The following FEZ1 variants were observed in gnomAD, a reference collection of about 807,000 sequenced individuals.
FEZ1 encodes fasciculation and elongation protein zeta 1.
FEZ1 carries 20 observed loss-of-function variants against 49.3 expected under a neutral mutation model. The observed-to-expected ratio is 0.41, with a 90% CI of 0.29 to 0.59. The LOEUF is 0.59. Among genes scored for constraint, FEZ1 ranks in the 20% least tolerant of loss-of-function variants. The pLI, the probability that FEZ1 is intolerant of heterozygous loss-of-function variation, is 0.36. For missense variants in FEZ1, 413 were observed against 476.0 expected, an observed-to-expected ratio of 0.87 and a Z score of 1.23; for synonymous variants, 170 against 180.9, an observed-to-expected ratio of 0.94 and a Z score of 0.48.
intron 9 of FEZ1, among the ~76,000 whole-genome samples, chr11:125,447,109 C>T (rs1215175790): frequency 6.6e-6 from 1 of 152,100 alleles, no homozygotes; most frequent in African/African-American, 2.4e-5. Context: ...ATTAACATCA[C>T]AAAAGGAAAG....
intron 3 of FEZ1, among the ~76,000 whole-genome samples, chr11:125,471,766 A>C (rs1296542004): frequency 6.6e-6 from 1 of 152,166 alleles, no homozygotes; most frequent in Non-Finnish European, 1.5e-5. Context: ...AACCAAGTTA[A>C]CCTGGTTGAC....
chr11:125,457,383 T>C (rs1223001028), intron 5 of FEZ1, among the ~76,000 whole-genome samples: 2 of 109,328 alleles, frequency 1.8e-5, no homozygotes, highest in African/African-American at 3.7e-5. Context: ...CTGGCCAACA[T>C]GGTGAAACTG....
In FEZ1 at chr11:125,445,302, C is replaced by A. The variant is rs1956889028; in HGVS notation, c.*793G>T. Reference sequence around the variant, plus strand: ...AGTCCCCTACGTTGGGAAAGCTCAGCAGAGCTGACTTCCCGCAGGCCCTGA... The same window carrying A: ...AGTCCCCTACGTTGGGAAAGCTCAGAAGAGCTGACTTCCCGCAGGCCCTGA... On this transcript the variant is annotated 3_prime_UTR_variant, in exon 10 of 10. Coordinates refer to ENST00000278919, the MANE Select transcript of FEZ1 (RefSeq NM_005103.5). This position sits in a 1 kb window ranked among gnomAD's most constrained non-coding sequence, Gnocchi z 4.4. Among the ~76,000 whole-genome samples, 1 of 152,218 alleles carries A rather than the reference C, an allele frequency of 6.6e-6. No individual in the cohort carries two copies.
chr11:125,495,444 C>CG lies in FEZ1; in HGVS notation c.-46+676dup. On this transcript the variant is annotated intron_variant, in intron 1 of 9. Transcript: ENST00000278919. This position sits in a 1 kb window ranked among gnomAD's most constrained non-coding sequence, Gnocchi z 4.2. ...ATTCCAGAGCCCGGGGCCCACCCGA[C>CG]GGCAGCGCGCCCCGCCACCGCGCAG... 2.1e-6 allele frequency: 1 copy of CG among 470,350 alleles called. No individual in the cohort carries two copies. Among genetic ancestry groups the CG allele is most frequent in the Non-Finnish European group, 4.4e-6 (1 of 226,584 alleles). The allele number at this position is 470,350 out of a possible 1,614,324, so 29.1% of individuals were successfully genotyped here. A position where few individuals can be genotyped will look rare whatever the true frequency, so the allele number is the denominator to read the frequency against.
chr11:125,460,759 G>T (rs112145892), intron 4 of FEZ1, 93 bp from the exon 5 acceptor site: 1 of 1,064,984 alleles, frequency 9.4e-7, no homozygotes, highest in Non-Finnish European at 1.3e-6. Context: ...TTCCTAATTA[G>T]CTATCTGAAA....
chr11:125,494,834 C>A (rs1490692822), intron 1 of FEZ1, among the ~76,000 whole-genome samples: 1 of 152,134 alleles, frequency 6.6e-6, no homozygotes, highest in African/African-American at 2.4e-5. Context: ...TGAGCTGACC[C>A]GAGTGGAGCG....
intron 2 of FEZ1, among the ~76,000 whole-genome samples, chr11:125,482,242 C>A (rs1338079038): frequency 6.6e-6 from 1 of 152,162 alleles, no homozygotes; most frequent in South Asian, 2.1e-4. Flanking sequence ...TTACTTACTA[C>A]CCAAAATGTT....
chr11:125,488,277 G>C (rs1957344944), intron 2 of FEZ1, among the ~76,000 whole-genome samples: 1 of 152,134 alleles, frequency 6.6e-6, no homozygotes, highest in African/African-American at 2.4e-5. Context: ...GTCTCTTACT[G>C]TGCCTAACTT....
rs746105201 is a variant in FEZ1 at position 125,489,631 on chromosome 11, A to G, written c.147T>C (p.Phe49=). ...EDPSLSELEN[F]SSEIISFKSM... ...ACTTGAAGCTGATTATTTCGGAAGA[A>G]AAATTCTCAAGCTCGGAGAGGGAGG... is the stretch of plus-strand genomic sequence containing the variant. Residue 49 remains phenylalanine, a synonymous_variant, in exon 2 of 10, where the codon TTT becomes TTC. Coordinates refer to ENST00000278919, the MANE Select transcript of FEZ1 (RefSeq NM_005103.5). The surrounding 1 kb of genome is among the most constrained non-coding windows in gnomAD (Gnocchi z 4.2). 6.2e-7 allele frequency: 1 copy of G among 1,614,180 alleles called. No homozygotes were observed. Among genetic ancestry groups the G allele is most frequent in the Non-Finnish European group, 8.5e-7 (1 of 1,180,040 alleles).
intron 2 of FEZ1, among the ~76,000 whole-genome samples, chr11:125,485,395 A>G (rs1957317964): frequency 6.6e-6 from 1 of 152,142 alleles, no homozygotes; most frequent in South Asian, 2.1e-4. Context: ...AAAGAACTCC[A>G]GGGCCTGGAA....
rs1198916808 is a variant in FEZ1 at position 125,457,465 on chromosome 11, T to C, written c.668-1359A>G. 2.6e-4 allele frequency among the ~76,000 whole-genome samples: 11 copies of C among 41,622 alleles called. No homozygotes were observed. The East Asian group carries it at 5.7e-3, about 21-fold the overall frequency. 27.3% of individuals were successfully genotyped at this position (41,622 alleles called of 152,430 possible). On this transcript the variant is annotated intron_variant, in intron 5 of 9. Transcript: ENST00000278919. ...ATATATATATATGTATATATACACA[T>C]ATATATGTATATATACACATATATG... is the stretch of plus-strand genomic sequence containing the variant.
At chr11:125,494,876 C>T (rs895095752) in intron 1 of FEZ1, among the ~76,000 whole-genome samples, 6 of 152,156 alleles carry the variant, frequency 3.9e-5, no homozygotes, top group African/African-American at 1.4e-4. Flanking sequence ...GCTAACCCCG[C>T]TGGGCCTCGG....
chr11:125,485,505 A>G (rs1258566966), intron 2 of FEZ1, among the ~76,000 whole-genome samples: 1 of 152,202 alleles, frequency 6.6e-6, no homozygotes, highest in Non-Finnish European at 1.5e-5. Flanking sequence ...AGGGCTTATT[A>G]GAATTCTAAC....
At chr11:125,464,971 A>G (rs1236381698) in intron 3 of FEZ1, among the ~76,000 whole-genome samples, 1 of 152,162 alleles carries the variant, frequency 6.6e-6, no homozygotes, top group Non-Finnish European at 1.5e-5. Flanking sequence ...TCACAACTAC[A>G]CTCATATGGA....
chr11:125,488,905 C>G (rs1225331682), intron 2 of FEZ1: 1 of 985,298 alleles, frequency 1.0e-6, no homozygotes, highest in Non-Finnish European at 1.2e-6. Flanking sequence ...AATCTGCATA[C>G]TCAAAGGCCA....
chr11:125,472,670 C>A (rs1187588052), intron 3 of FEZ1, among the ~76,000 whole-genome samples: 1 of 151,988 alleles, frequency 6.6e-6, no homozygotes, highest in South Asian at 2.1e-4. Flanking sequence ...AATACAAATT[C>A]TTTCACAAAG....
In FEZ1 at chr11:125,444,568, A is replaced by G. The variant is rs190815093; in HGVS notation, c.*1527T>C. On this transcript the variant is annotated 3_prime_UTR_variant, in exon 10 of 10. Transcript: ENST00000278919. The stretch of plus-strand genomic sequence containing the variant: ...CCATTGTACTCCAGCCTGAGCAACA[A>G]GAGTCAAACTCCGTCTGAAAAAAAA... Among the ~76,000 whole-genome samples the G allele has an allele frequency of 2.0e-5, 3 of 152,132 alleles. No homozygotes were observed. Among genetic ancestry groups the G allele is most frequent in the Admixed American group, 2.0e-4 (3 of 15,294 alleles).
chr11:125,467,099 T>C (rs1211904623), intron 3 of FEZ1, among the ~76,000 whole-genome samples: 1 of 151,050 alleles, frequency 6.6e-6, no homozygotes, highest in Non-Finnish European at 1.5e-5. Flanking sequence ...AGTGGCACAA[T>C]CATGGCTCAA....
rs548874460 is a variant in FEZ1 at position 125,486,397 on chromosome 11, T to C, written c.311+3070A>G. On this transcript the variant is annotated intron_variant, in intron 2 of 9. Transcript: ENST00000278919. The stretch of plus-strand genomic sequence containing the variant: ...GGCAAAGGAAGAGGGTGGTCACATA[T>C]ACACAAAGAAGAGATTCTGGGATAT... 4.6e-5 allele frequency among the ~76,000 whole-genome samples: 7 copies of C among 152,268 alleles called. No homozygotes were observed. In the South Asian group the frequency reaches 1.0e-3, roughly 23 times the overall value.
Sources: gnomAD v4.1 joint callset for allele counts (sites outside exome capture counted in the v4.1 genomes callset) on GRCh38, gnomAD v4.1.1 for gene constraint, Gnocchi (gnomAD v3.1) non-coding constraint, MANE v1.5 for transcripts, NCBI Gene and HGNC (gene_info 2026-07-23, HGNC 2026-07-21) for gene names.